The following ADAMTSL3 variants were observed in gnomAD, a reference collection of about 807,000 sequenced individuals.
ADAMTSL3 encodes the protein ADAMTS-like protein 3.
Under a neutral mutation model 201.7 loss-of-function variants are expected in ADAMTSL3, and 128 were observed. The observed-to-expected ratio is 0.63, with a 90% CI of 0.55 to 0.73. The LOEUF is 0.73. Ranked by LOEUF, ADAMTSL3 falls within the 30% of genes least tolerant of loss-of-function variation. ADAMTSL3 has a pLI of 0.00. For synonymous variants in ADAMTSL3, 738 were observed against 748.4 expected (o/e 0.99, Z 0.23); for missense variants, 1,990 against 2,119.6 (o/e 0.94, Z 1.20).
At chr15:83,971,947 A>G (rs1409448143) in intron 20 of ADAMTSL3, among the ~76,000 whole-genome samples, 1 of 149,310 alleles carries the variant, frequency 6.7e-6, no homozygotes, top group East Asian at 1.9e-4. Context: ...ACATATATAT[A>G]AAACTTCAAT....
intron 3 of ADAMTSL3, among the ~76,000 whole-genome samples, chr15:83,754,495 C>T (rs1324257225): frequency 6.6e-6 from 1 of 152,124 alleles, no homozygotes; most frequent in African/African-American, 2.4e-5. Flanking sequence ...GAATAATTAA[C>T]ATTTTAAAAA....
At chr15:83,828,296 T>C (rs920064404) in intron 6 of ADAMTSL3, among the ~76,000 whole-genome samples, 1 of 152,218 alleles carries the variant, frequency 6.6e-6, no homozygotes, top group Non-Finnish European at 1.5e-5. Context: ...CAATGGTGAA[T>C]GGGAGTTCAC....
rs144153953 is a variant in ADAMTSL3 at position 83,957,513 on chromosome 15, T to C, written c.2491-12971T>C. Among the ~76,000 whole-genome samples, 1,060 of 152,236 alleles carry C rather than the reference T, an allele frequency of 7.0e-3. 11 individuals are homozygous for C. The highest frequency in any genetic ancestry group is 0.024 in the African/African-American group (994 of 41,538). On this transcript the variant is annotated intron_variant, in intron 19 of 29. Transcript: ENST00000286744. Reference sequence around the variant, plus strand: ...TCAACAAGAGAGAATGAAGAAGCAGTTGGGATAGAGAGTAGTAAGTGGTTT... The same window carrying C: ...TCAACAAGAGAGAATGAAGAAGCAGCTGGGATAGAGAGTAGTAAGTGGTTT...
At chr15:83,689,497 C>G (rs900987935) in intron 2 of ADAMTSL3, among the ~76,000 whole-genome samples, 5 of 152,064 alleles carry the variant, frequency 3.3e-5, no homozygotes, top group African/African-American at 1.2e-4. Context: ...GGAATCATAC[C>G]TTGCCTTATT....
At chr15:83,769,678 AGACTT>A (rs1377418919) in intron 3 of ADAMTSL3, among the ~76,000 whole-genome samples, 1 of 152,202 alleles carries the variant, frequency 6.6e-6, no homozygotes, top group African/African-American at 2.4e-5. Context: ...TTGACCAGTG[AGACTT>A]GAGTGAAAAT....
At chr15:84,023,440 A>G (rs1181289634) in intron 26 of ADAMTSL3, among the ~76,000 whole-genome samples, 6 of 152,156 alleles carry the variant, frequency 3.9e-5, no homozygotes, top group Non-Finnish European at 5.9e-5. Context: ...GCAGGGTCAC[A>G]GTGTAAAGCA....
chr15:83,844,146 T>A (rs1295243628), intron 7 of ADAMTSL3, among the ~76,000 whole-genome samples: 2 of 152,224 alleles, frequency 1.3e-5, no homozygotes, highest in Non-Finnish European at 2.9e-5. Context: ...TCTAAGCTTT[T>A]TGTCCATTTT....
At chr15:83,906,749 A>G (rs1596386392) in intron 15 of ADAMTSL3, among the ~76,000 whole-genome samples, 1 of 151,772 alleles carries the variant, frequency 6.6e-6, no homozygotes, top group South Asian at 2.1e-4. Context: ...AGTACTTTTC[A>G]TAGCTATGTC....
chr15:83,923,976 T>A lies in ADAMTSL3; in HGVS notation c.2060T>A (p.Met687Lys). ...ACAGTCAATGACAGCTTGTGTGATA[T>A]GGTCCACCGTCCTCCAGCCATGAGC... The part of the protein sequence containing the change: ...QQTVNDSLCD[M>K]VHRPPAMSQA... The change falls in exon 17 of 30, where the codon ATG (methionine) becomes AAG (lysine). Residue 687 changes from methionine (M) to lysine (K), a missense_variant. Transcript: ENST00000286744. 6.2e-7 allele frequency: 1 copy of A among 1,614,176 alleles called. No homozygotes were observed. Among genetic ancestry groups the A allele is most frequent in the Non-Finnish European group, 8.5e-7 (1 of 1,180,006 alleles).
At chr15:83,941,995 TA>T in intron 17 of ADAMTSL3, among the ~76,000 whole-genome samples, 1 of 152,342 alleles carries the variant, frequency 6.6e-6, no homozygotes, top group East Asian at 1.9e-4. Context: ...GGTGGGAGTG[TA>T]AATTGGGAGA....
At chr15:83,852,394 G>A (rs1567189987) in intron 7 of ADAMTSL3, among the ~76,000 whole-genome samples, 1 of 152,158 alleles carries the variant, frequency 6.6e-6, no homozygotes, top group Non-Finnish European at 1.5e-5. Context: ...GATTACAGGC[G>A]TGAGCCACTG....
intron 23 of ADAMTSL3, among the ~76,000 whole-genome samples, chr15:83,996,813 A>G (rs1004589539): frequency 6.6e-6 from 1 of 151,588 alleles, no homozygotes; most frequent in African/African-American, 2.4e-5. Context: ...AAAAAGAGCA[A>G]AAGATATGAA....
intron 16 of ADAMTSL3, among the ~76,000 whole-genome samples, chr15:83,913,589 CAAA>C (rs928211144): frequency 4.6e-5 from 7 of 150,734 alleles, no homozygotes; most frequent in African/African-American, 1.7e-4. Flanking sequence ...ATATACTAAC[CAAA>C]AAAAGTATAT....
intron 2 of ADAMTSL3, among the ~76,000 whole-genome samples, chr15:83,688,975 A>AT (rs1254387119): frequency 6.6e-6 from 1 of 151,730 alleles, no homozygotes; most frequent in African/African-American, 2.4e-5. Flanking sequence ...CAGCAGGCTA[A>AT]TTTTTTTGTT....
At chr15:83,941,452 C>T (rs2066558440) in intron 17 of ADAMTSL3, among the ~76,000 whole-genome samples, 1 of 151,992 alleles carries the variant, frequency 6.6e-6, no homozygotes, top group African/African-American at 2.4e-5. Flanking sequence ...TAGATATCAT[C>T]ACTGGCAACA....
At chr15:83,998,598 G>A (rs1345526602) in intron 23 of ADAMTSL3, among the ~76,000 whole-genome samples, 2 of 152,186 alleles carry the variant, frequency 1.3e-5, no homozygotes, top group African/African-American at 2.4e-5. Flanking sequence ...TAAGTAGAAA[G>A]GGTACTTTGA....
intron 5 of ADAMTSL3, among the ~76,000 whole-genome samples, chr15:83,808,296 CAA>C (rs1263677789): frequency 6.6e-6 from 1 of 152,012 alleles, no homozygotes; most frequent in African/African-American, 2.4e-5. Flanking sequence ...AAACCCAAAA[CAA>C]ATAATTTGAT....
intron 2 of ADAMTSL3, among the ~76,000 whole-genome samples, chr15:83,660,407 A>G (rs963292963): frequency 1.3e-5 from 2 of 152,190 alleles, no homozygotes; most frequent in African/African-American, 4.8e-5. Flanking sequence ...TCTGTGGGTA[A>G]ATCAGCTCAA....
chr15:83,662,745 C>T (rs912307944), intron 2 of ADAMTSL3, among the ~76,000 whole-genome samples: 2 of 152,012 alleles, frequency 1.3e-5, no homozygotes, highest in Non-Finnish European at 1.5e-5. Context: ...TGGAATGGTA[C>T]GGGTGTGGTG....
Sources: allele counts gnomAD v4.1 joint callset (sites outside exome capture counted in the v4.1 genomes callset), GRCh38; gene constraint gnomAD v4.1.1; transcripts MANE v1.5; gene names NCBI Gene and HGNC (gene_info 2026-07-23, HGNC 2026-07-21).